PEX7: variants seen among roughly 807,000 people sequenced by gnomAD.
The protein encoded by PEX7 is PTS2 receptor.
PEX7 carries 34 observed loss-of-function variants against 47.5 expected under a neutral mutation model. The observed-to-expected ratio is 0.72, with a 90% CI of 0.54 to 0.95. The LOEUF (loss-of-function observed/expected upper bound fraction) is 0.95. Among genes scored for constraint, PEX7 ranks in the 40% least tolerant of loss-of-function variants. The probability of loss-of-function intolerance (pLI) is 0.00; values close to 1 mark genes in which losing one functional copy is unlikely to be tolerated. For synonymous variants in PEX7, 141 were observed against 148.8 expected (o/e 0.95, Z 0.38); for missense variants, 394 against 400.3 (o/e 0.98, Z 0.13).
intron 5 of PEX7, among the ~76,000 whole-genome samples, chr6:136,862,425 G>T (rs1774983987): frequency 6.6e-6 from 1 of 151,698 alleles, no homozygotes; most frequent in South Asian, 2.1e-4. Flanking sequence ...ACCCAGGGTG[G>T]AGTACAGTGG....
chr6:136,888,688 G>T (rs1295514153), intron 8 of PEX7, among the ~76,000 whole-genome samples: 2 of 152,076 alleles, frequency 1.3e-5, no homozygotes, highest in African/African-American at 4.8e-5. Context: ...TGGCTCCTGG[G>T]ATGTGGATAT....
At chr6:136,880,586 G>A (rs1775359504) in intron 8 of PEX7, among the ~76,000 whole-genome samples, 1 of 152,164 alleles carries the variant, frequency 6.6e-6, no homozygotes, top group Non-Finnish European at 1.5e-5. Flanking sequence ...TTAATTTGAA[G>A]TTTGGATGTG....
Position 136,879,531 on chromosome 6 carries a change from C to G in PEX7, c.803+7278C>G, listed in dbSNP as rs145275045. Among the ~76,000 whole-genome samples the G allele has an allele frequency of 1.2e-3, 188 of 152,212 alleles. 1 individual carries two copies. Among genetic ancestry groups the G allele is most frequent in the African/African-American group, 4.2e-3 (175 of 41,550 alleles). ...TACTTGTAAGTTGTTTGGCACCACCCCGACCCCAACCATCAATCCTTTCCC... is the reference window on the plus strand; with the variant it reads ...TACTTGTAAGTTGTTTGGCACCACCGCGACCCCAACCATCAATCCTTTCCC... On this transcript the variant is annotated intron_variant, in intron 8 of 9. Transcript: ENST00000318471.
chr6:136,831,834 T>G (rs1774298978), intron 3 of PEX7, among the ~76,000 whole-genome samples: 1 of 152,262 alleles, frequency 6.6e-6, no homozygotes, highest in Admixed American at 6.5e-5. Context: ...CCCATGGCCT[T>G]GGGCAGCTCT....
At chr6:136,886,041 T>G (rs1024410756) in intron 8 of PEX7, among the ~76,000 whole-genome samples, 5 of 152,182 alleles carry the variant, frequency 3.3e-5, no homozygotes, top group African/African-American at 1.2e-4. Flanking sequence ...TTATTAAGGC[T>G]AGAATGGATG....
intron 3 of PEX7, among the ~76,000 whole-genome samples, chr6:136,842,751 T>A (rs1444127820): frequency 6.6e-6 from 1 of 152,226 alleles, no homozygotes; most frequent in African/African-American, 2.4e-5. Flanking sequence ...CTAGCAGGTA[T>A]GTGAGTTATG....
chr6:136,902,452 A>G (rs1248008887), intron 9 of PEX7, among the ~76,000 whole-genome samples: 2 of 152,242 alleles, frequency 1.3e-5, no homozygotes, highest in African/African-American at 4.8e-5. Context: ...AACAGAATGT[A>G]AGATCTTGTC....
chr6:136,911,180 TCTGA>T lies in PEX7; in HGVS notation c.904-2275_904-2272del, dbSNP rs1186661438. On this transcript the variant is annotated intron_variant, in intron 9 of 9. Coordinates refer to ENST00000318471, the MANE Select transcript of PEX7 (RefSeq NM_000288.4). Reference sequence around the variant, plus strand: ...CTCCAGGTGAGAAGAGTAACATTGTTCTGACTTTTTGTTTGTTTGTTTGTTTACC... The same window carrying T: ...CTCCAGGTGAGAAGAGTAACATTGTTCTTTTTGTTTGTTTGTTTGTTTACC... 3.9e-5 allele frequency among the ~76,000 whole-genome samples: 6 copies of T among 152,114 alleles called. No individual in the cohort carries two copies. In the East Asian group the frequency reaches 7.7e-4, roughly 20 times the overall value.
chr6:136,889,699 T>C (rs1211683076), intron 8 of PEX7, among the ~76,000 whole-genome samples: 1 of 152,216 alleles, frequency 6.6e-6, no homozygotes, highest in Non-Finnish European at 1.5e-5. Flanking sequence ...TTTTTCGTAG[T>C]AGGAAGTCAA....
intron 8 of PEX7, among the ~76,000 whole-genome samples, chr6:136,879,145 ACATAT>A (rs941385632): frequency 2.6e-5 from 4 of 152,106 alleles, no homozygotes; most frequent in African/African-American, 9.7e-5. Context: ...AACATATAGC[ACATAT>A]CATATGATAT....
Position 136,897,818 on chromosome 6 carries a change from T to C in PEX7, c.804-324T>C, listed in dbSNP as rs544952160. Among the ~76,000 whole-genome samples the C allele has an allele frequency of 5.1e-4, 77 of 152,302 alleles. 1 individual carries two copies. The highest frequency in any genetic ancestry group is 1.7e-3 in the African/African-American group (69 of 41,578). The stretch of plus-strand genomic sequence containing the variant: ...AAATTGCTACAAAAGCATACTATCA[T>C]CTCAATGTCCTTGTGCAATATAAAA... On this transcript the variant is annotated intron_variant, in intron 8 of 9. Coordinates refer to ENST00000318471, the MANE Select transcript of PEX7 (RefSeq NM_000288.4).
At chr6:136,882,902 C>G (rs1400794628) in intron 8 of PEX7, among the ~76,000 whole-genome samples, 1 of 152,142 alleles carries the variant, frequency 6.6e-6, no homozygotes, top group Non-Finnish European at 1.5e-5. Context: ...TCACCAGGGC[C>G]ATTTTAAGGT....
chr6:136,869,402 C>T (rs780945984), intron 6 of PEX7, among the ~76,000 whole-genome samples: 8 of 152,178 alleles, frequency 5.3e-5, no homozygotes, highest in African/African-American at 9.6e-5. Flanking sequence ...TGTGTTACCA[C>T]GCCTGGCTAA....
intron 2 of PEX7, among the ~76,000 whole-genome samples, chr6:136,825,822 T>C (rs1464023049): frequency 6.6e-6 from 1 of 152,118 alleles, no homozygotes; most frequent in East Asian, 1.9e-4. Context: ...CGTGAGCCAC[T>C]GGGCCCAGCC....
intron 2 of PEX7, 42 bp downstream of exon 2, chr6:136,825,313 T>G (rs770711981): frequency 7.5e-6 from 11 of 1,460,748 alleles, no homozygotes; most frequent in Admixed American, 6.7e-5. Context: ...TTGTTGCTAT[T>G]AAAGCCTTAA....
chr6:136,861,482 A>G lies in PEX7; in HGVS notation c.527-5145A>G, dbSNP rs986771765. Among the ~76,000 whole-genome samples the G allele has an allele frequency of 2.0e-5, 3 of 152,158 alleles. No individual in the cohort carries two copies. In the South Asian group the frequency reaches 6.2e-4, roughly 31 times the overall value. On this transcript the variant is annotated intron_variant, in intron 5 of 9. Coordinates refer to ENST00000318471, the MANE Select transcript of PEX7 (RefSeq NM_000288.4). ...ATGCTATAGCTATAGCAGAATTTATACTTTTAACCTAGTATTAGATATAAA... is the reference window on the plus strand; with the variant it reads ...ATGCTATAGCTATAGCAGAATTTATGCTTTTAACCTAGTATTAGATATAAA...
chr6:136,854,768 AG>A (rs1252641999), intron 5 of PEX7, among the ~76,000 whole-genome samples: 1 of 152,142 alleles, frequency 6.6e-6, no homozygotes, highest in Non-Finnish European at 1.5e-5. Context: ...AGATTGAATT[AG>A]TGGTGTAGAA....
chr6:136,861,449 T>A (rs1774962181), intron 5 of PEX7, among the ~76,000 whole-genome samples: 1 of 152,224 alleles, frequency 6.6e-6, no homozygotes, highest in South Asian at 2.1e-4. Context: ...CTCATTGATC[T>A]TGAGACAATG....
rs539716057 is a variant in PEX7, at chr6:136,848,790, G to A, written c.526+2609G>A. Among the ~76,000 whole-genome samples, 35 of 152,280 alleles carry A rather than the reference G, an allele frequency of 2.3e-4. 2 individuals carry two copies. The South Asian group carries it at 6.8e-3, about 30-fold the overall frequency. ...AGGATTTTTGCATTGATGTTCATCA[G>A]GGATATTGGTCTAAAATTCTCTTTT... is the stretch of plus-strand genomic sequence containing the variant. On this transcript the variant is annotated intron_variant, in intron 5 of 9. Transcript: ENST00000318471.
Sources: allele counts gnomAD v4.1 joint callset (sites outside exome capture counted in the v4.1 genomes callset), GRCh38; gene constraint gnomAD v4.1.1; transcripts MANE v1.5; gene names NCBI Gene and HGNC (gene_info 2026-07-23, HGNC 2026-07-21).